EYS: variants seen among roughly 807,000 people sequenced by gnomAD.
The protein encoded by EYS is EGF-like photoreceptor maintenance factor.
Under a neutral mutation model 282.1 loss-of-function variants are expected in EYS, and 250 were observed. The ratio of observed to expected loss-of-function variants is 0.89; its 90% CI spans 0.80 to 0.98. The LOEUF is 0.98. Among genes scored for constraint, EYS ranks in the 50% least tolerant of loss-of-function variants. EYS has a pLI of 0.00. For missense variants in EYS, 4,016 were observed against 3,709.0 expected, an observed-to-expected ratio of 1.08 and a Z score of -2.15; for synonymous variants, 1,355 against 1,282.9, an observed-to-expected ratio of 1.06 and a Z score of -1.20.
chr6:65,416,953 C>T (rs1277503848), intron 5 of EYS, among the ~76,000 whole-genome samples: 1 of 151,904 alleles, frequency 6.6e-6, no homozygotes, highest in African/African-American at 2.4e-5. Context: ...AACTTGTTTA[C>T]CTATGTTTGA....
intron 22 of EYS, among the ~76,000 whole-genome samples, chr6:64,790,821 A>G (rs1408840923): frequency 6.9e-6 from 1 of 145,612 alleles, no homozygotes; most frequent in Non-Finnish European, 1.6e-5. Flanking sequence ...AAGGTGGTAC[A>G]TTATCCAGAA....
chr6:64,512,664 C>T (rs1326131402), intron 26 of EYS, among the ~76,000 whole-genome samples: 1 of 151,658 alleles, frequency 6.6e-6, no homozygotes, highest in Non-Finnish European at 1.5e-5. Context: ...AGATTTGACA[C>T]CTCATAATAG....
At chr6:65,230,593 T>C (rs1416632203) in intron 12 of EYS, among the ~76,000 whole-genome samples, 4 of 151,826 alleles carry the variant, frequency 2.6e-5, no homozygotes, top group African/African-American at 9.7e-5. Flanking sequence ...ATGCAAAATT[T>C]ATTTTCATGT....
At chr6:64,227,599 G>A (rs1268812703) in intron 31 of EYS, among the ~76,000 whole-genome samples, 3 of 151,986 alleles carry the variant, frequency 2.0e-5, no homozygotes. Context: ...GTAAATGGGG[G>A]TAATTTAGAG....
At chr6:63,764,811 A>T (rs892212124) in intron 40 of EYS, among the ~76,000 whole-genome samples, 1 of 151,940 alleles carries the variant, frequency 6.6e-6, no homozygotes, top group African/African-American at 2.4e-5. Context: ...GGTCTGAAAC[A>T]ATTAGCTATA....
At chr6:64,777,414 A>G (rs1048365632) in intron 22 of EYS, among the ~76,000 whole-genome samples, 2 of 152,138 alleles carry the variant, frequency 1.3e-5, no homozygotes, top group Non-Finnish European at 2.9e-5. Flanking sequence ...AACAAAAGAA[A>G]GAAATGGCAT....
chr6:64,341,054 C>A (rs950778906), intron 29 of EYS, among the ~76,000 whole-genome samples: 1 of 151,404 alleles, frequency 6.6e-6, no homozygotes, highest in African/African-American at 2.4e-5. Context: ...TATAAAAAAT[C>A]GAAAACAACA....
chr6:64,118,768 T>A (rs1773474316), intron 31 of EYS, among the ~76,000 whole-genome samples: 1 of 151,952 alleles, frequency 6.6e-6, no homozygotes. Flanking sequence ...GGAGAGAAAA[T>A]ATTTGCAAGT....
chr6:64,511,763 C>G (rs969660797), intron 26 of EYS, among the ~76,000 whole-genome samples: 1 of 151,826 alleles, frequency 6.6e-6, no homozygotes, highest in Non-Finnish European at 1.5e-5. Flanking sequence ...TTCTCCTTTT[C>G]TCTTAAAAAC....
chr6:65,346,086 T>A (rs371250092), intron 9 of EYS, among the ~76,000 whole-genome samples: 1 of 151,708 alleles, frequency 6.6e-6, no homozygotes. Flanking sequence ...AGTTAAAGAA[T>A]CTCAGGAGCG....
intron 14 of EYS, among the ~76,000 whole-genome samples, chr6:64,946,939 A>C (rs1180123528): frequency 6.6e-6 from 1 of 151,916 alleles, no homozygotes; most frequent in South Asian, 2.1e-4. Flanking sequence ...GTTAAAACAC[A>C]AACAGAGATC....
At chr6:64,316,972 CATATT>C (rs1024061305) in intron 29 of EYS, among the ~76,000 whole-genome samples, 55 of 152,264 alleles carry the variant, frequency 3.6e-4, no homozygotes, top group African/African-American at 1.3e-3. Flanking sequence ...GAAAGGATTC[CATATT>C]TAATAAATGG....
intron 26 of EYS, among the ~76,000 whole-genome samples, chr6:64,512,712 A>G (rs114712912): frequency 0.016 from 2,478 of 152,124 alleles, 24 homozygotes; most frequent in South Asian, 0.036. Flanking sequence ...AGAGAAGAAA[A>G]CAAAGCACAG....
chr6:65,585,929 T>C (rs1226588346), intron 2 of EYS, among the ~76,000 whole-genome samples: 1 of 152,152 alleles, frequency 6.6e-6, no homozygotes, highest in South Asian at 2.1e-4. Flanking sequence ...GCAAAAGTAA[T>C]TGTGGCTTTT....
intron 2 of EYS, among the ~76,000 whole-genome samples, chr6:65,579,806 G>T (rs1299378476): frequency 1.3e-5 from 2 of 152,050 alleles, no homozygotes; most frequent in Admixed American, 6.6e-5. Flanking sequence ...TGAATTTTGA[G>T]AGGGCAAAAT....
chr6:65,036,566 A>T (rs1772778019), intron 13 of EYS, among the ~76,000 whole-genome samples: 1 of 151,814 alleles, frequency 6.6e-6, no homozygotes, highest in Non-Finnish European at 1.5e-5. Flanking sequence ...CTATGCATCT[A>T]ACAAATATCT....
At chr6:64,817,172 T>C (rs1169148057) in intron 21 of EYS, among the ~76,000 whole-genome samples, 1 of 152,066 alleles carries the variant, frequency 6.6e-6, no homozygotes, top group Non-Finnish European at 1.5e-5. Flanking sequence ...GGACTCCAAC[T>C]CAAACCCTCT....
intron 16 of EYS, among the ~76,000 whole-genome samples, chr6:64,912,234 A>G (rs1388916142): frequency 6.6e-6 from 1 of 152,044 alleles, no homozygotes; most frequent in Non-Finnish European, 1.5e-5. Context: ...TGAAAGAAAA[A>G]AAAAGGGCCA....
chr6:64,097,636 C>T (rs557389018), intron 31 of EYS, among the ~76,000 whole-genome samples: 2 of 152,228 alleles, frequency 1.3e-5, no homozygotes, highest in Non-Finnish European at 2.9e-5. Context: ...ACCCAATTTT[C>T]CAGGTGCCAT....
Sources: allele counts gnomAD v4.1 joint callset (sites outside exome capture counted in the v4.1 genomes callset), GRCh38; gene constraint gnomAD v4.1.1; transcripts MANE v1.5; gene names NCBI Gene and HGNC (gene_info 2026-07-23, HGNC 2026-07-21).